The following ANO6 variants were observed in gnomAD, a reference collection of about 807,000 sequenced individuals.
The protein encoded by ANO6 is anoctamin 6.
Under a neutral mutation model 117.5 loss-of-function variants are expected in ANO6, and 106 were observed. That is an observed-to-expected ratio of 0.90 (90% CI 0.77 to 1.06). The LOEUF is 1.06. Ranked by LOEUF, ANO6 falls within the 50% of genes least tolerant of loss-of-function variation. The pLI is 0.00. For synonymous variants in ANO6, 367 were observed against 385.1 expected (o/e 0.95, Z 0.55); for missense variants, 955 against 1,121.1 (o/e 0.85, Z 2.12).
intron 8 of ANO6, among the ~76,000 whole-genome samples, chr12:45,357,962 G>C (rs928314739): frequency 6.6e-6 from 1 of 152,202 alleles, no homozygotes; most frequent in African/African-American, 2.4e-5. Flanking sequence ...TGAAAAATTA[G>C]TTTGTACTGA....
rs560682278 is a variant in ANO6 at position 45,239,647 on chromosome 12, G to A, written c.70+23256G>A. On this transcript the variant is annotated intron_variant, in intron 1 of 19. Transcript: ENST00000320560. ...CTTTTAATTGTGATGTTAGGGTGTC[G>A]ATTTTAGATCTTTCCTGCTTTCTCT... Among the ~76,000 whole-genome samples, 10 of 151,970 alleles carry A rather than the reference G, an allele frequency of 6.6e-5. No homozygotes were observed. In the South Asian group the frequency reaches 1.0e-3, roughly 16 times the overall value.
chr12:45,222,609 G>A (rs894134087), intron 1 of ANO6, among the ~76,000 whole-genome samples: 1 of 152,166 alleles, frequency 6.6e-6, no homozygotes, highest in African/African-American at 2.4e-5. Context: ...GGCCTCAGAA[G>A]CAGAAGCAGG....
intron 3 of ANO6, among the ~76,000 whole-genome samples, chr12:45,337,472 T>C (rs1440297319): frequency 1.3e-5 from 2 of 152,064 alleles, no homozygotes; most frequent in African/African-American, 4.8e-5. Flanking sequence ...ATATGTACAC[T>C]CTATGGTGTT....
intron 16 of ANO6, among the ~76,000 whole-genome samples, chr12:45,412,630 G>A (rs1239370650): frequency 2.0e-5 from 3 of 152,250 alleles, no homozygotes; most frequent in African/African-American, 7.2e-5. Flanking sequence ...CCTAACCTTT[G>A]CAGGATGAGC....
chr12:45,423,140 C>A, intron 19 of ANO6, 78 bp downstream of exon 19: 1 of 1,028,608 alleles, frequency 9.7e-7, no homozygotes, highest in East Asian at 2.4e-5. Context: ...CAACTCCATA[C>A]TTAACATGTG....
intron 11 of ANO6, 143 bp downstream of exon 11, chr12:45,388,446 C>G (rs1441320065): frequency 3.7e-6 from 4 of 1,091,714 alleles, no homozygotes; most frequent in Non-Finnish European, 4.1e-6. Context: ...ACTTAGTAAC[C>G]TGGGGGTATT....
rs779989178 is a variant in ANO6, at chr12:45,429,179, C to G, written c.2601C>G (p.Ile867Met). 2.5e-6 allele frequency: 4 copies of G among 1,613,800 alleles called. No homozygotes were observed. Among genetic ancestry groups the G allele is most frequent in the Non-Finnish European group, 3.4e-6 (4 of 1,179,922 alleles). Residue 867 changes from isoleucine to methionine, a missense_variant, in exon 20 of 20, where the codon ATC (isoleucine) becomes ATG (methionine). Physicochemically the swap from Ile to Met is conservative, Grantham distance 10. Coordinates refer to ENST00000320560, the MANE Select transcript of ANO6 (RefSeq NM_001025356.3). ...TATCAAAACGCACAAAGAGCAAGAT[C>G]CAGAGAGAAAAATACCTAACCCAAA... Reference protein sequence around the residue: ...PDVSKRTKSKIQREKYLTQKL... With the variant: ...PDVSKRTKSKMQREKYLTQKL...
chr12:45,284,133 A>G (rs960887020), intron 1 of ANO6, among the ~76,000 whole-genome samples: 2 of 152,242 alleles, frequency 1.3e-5, no homozygotes, highest in African/African-American at 4.8e-5. Context: ...ATAGACAGCC[A>G]TGTAGAAACA....
chr12:45,400,029 C>T (rs929778127), intron 12 of ANO6, among the ~76,000 whole-genome samples: 2 of 152,158 alleles, frequency 1.3e-5, no homozygotes, highest in African/African-American at 4.8e-5. Flanking sequence ...TCATAAACCA[C>T]GTGGGAGGCA....
chr12:45,307,744 C>T (rs1372757439), intron 2 of ANO6, among the ~76,000 whole-genome samples: 8 of 151,802 alleles, frequency 5.3e-5, no homozygotes, highest in South Asian at 2.1e-4. Flanking sequence ...TTACAGGTCA[C>T]GGAGATGAGG....
intron 14 of ANO6, 94 bp from the exon 15 acceptor site, chr12:45,403,345 G>C: frequency 6.5e-7 from 1 of 1,535,168 alleles, no homozygotes; most frequent in South Asian, 1.1e-5. Context: ...TTATTTTTTA[G>C]CCTAAACAGA....
chr12:45,267,102 G>A (rs1938243937), intron 1 of ANO6, among the ~76,000 whole-genome samples: 1 of 152,086 alleles, frequency 6.6e-6, no homozygotes, highest in Non-Finnish European at 1.5e-5. Flanking sequence ...TGTTATATTA[G>A]TTTGCTGGGG....
At chr12:45,346,899 C>T in intron 3 of ANO6, 123 bp from the exon 4 acceptor site, 2 of 825,174 alleles carry the variant, frequency 2.4e-6, no homozygotes, top group Admixed American at 2.0e-5. Flanking sequence ...TGACCAAATG[C>T]TGATGCATTT....
At chr12:45,427,672 T>A (rs1565775838) in intron 19 of ANO6, among the ~76,000 whole-genome samples, 1 of 151,668 alleles carries the variant, frequency 6.6e-6, no homozygotes, top group Non-Finnish European at 1.5e-5. Context: ...TTAACCTCAT[T>A]GGTAATCAGG....
At chr12:45,313,102 G>A (rs1939898748) in intron 2 of ANO6, 1 of 152,074 alleles carries the variant, frequency 6.6e-6, no homozygotes, top group Non-Finnish European at 1.5e-5. Context: ...CCATCTGTGA[G>A]ATATGAAGGA....
chr12:45,355,700 AT>A (rs1487959109), intron 7 of ANO6, among the ~76,000 whole-genome samples: 1 of 152,056 alleles, frequency 6.6e-6, no homozygotes, highest in Non-Finnish European at 1.5e-5. Flanking sequence ...CCATCTCCCG[AT>A]TCCACCCTCA....
chr12:45,363,373 A>G, intron 8 of ANO6, among the ~76,000 whole-genome samples: 1 of 152,002 alleles, frequency 6.6e-6, no homozygotes, highest in African/African-American at 2.4e-5. Context: ...GACCATCCTC[A>G]CTATCACAGT....
At chr12:45,407,997 G>A (rs549374315) in intron 15 of ANO6, among the ~76,000 whole-genome samples, 1 of 152,262 alleles carries the variant, frequency 6.6e-6, no homozygotes, top group South Asian at 2.1e-4. Flanking sequence ...GTCTCCTGTA[G>A]TAGAGATAAT....
At chr12:45,391,980 T>A (rs1942465491) in intron 12 of ANO6, among the ~76,000 whole-genome samples, 1 of 152,204 alleles carries the variant, frequency 6.6e-6, no homozygotes, top group Admixed American at 6.5e-5. Flanking sequence ...AGGTACCTGG[T>A]TCATCTCATT....
Sources: allele counts gnomAD v4.1 joint callset (sites outside exome capture counted in the v4.1 genomes callset), GRCh38; gene constraint gnomAD v4.1.1; transcripts MANE v1.5; gene names NCBI Gene and HGNC (gene_info 2026-07-23, HGNC 2026-07-21).